Variants in ABCA12 observed in about 807,000 individuals in gnomAD.
ABCA12 encodes the protein glucosylceramide transporter ABCA12.
A neutral mutation model predicts 293.5 loss-of-function variants in ABCA12; 156 were observed. That is an observed-to-expected ratio of 0.53 (90% CI 0.47 to 0.61). The LOEUF (loss-of-function observed/expected upper bound fraction) is 0.61, where lower values mean the gene tolerates loss of function less well. ABCA12 is among the 20% of genes least tolerant of loss of function. The pLI is 0.00. For missense variants in ABCA12, 2,797 were observed against 3,090.2 expected, an observed-to-expected ratio of 0.91 and a Z score of 2.25; for synonymous variants, 1,063 against 1,108.0, an observed-to-expected ratio of 0.96 and a Z score of 0.81.
At chr2:214,958,128 A>G (rs538589528) in intron 41 of ABCA12, 149 bp downstream of exon 41, 1 of 1,062,942 alleles carries the variant, frequency 9.4e-7, no homozygotes, top group African/African-American at 1.6e-5. Flanking sequence ...CTGGATGAAG[A>G]TAAGCCTGAC....
intron 3 of ABCA12, among the ~76,000 whole-genome samples, chr2:215,062,755 C>T (rs1252860064): frequency 2.0e-5 from 3 of 151,902 alleles, no homozygotes; most frequent in Admixed American, 6.6e-5. Flanking sequence ...TGGTCTCTAC[C>T]GAAATGTCAC....
rs542413072 is a variant in ABCA12 at position 215,072,272 on chromosome 2, G to A, written c.164-8053C>T. ...CTGCTGCCAAGTACCACAGCCAGAC[G>A]GATTTTGAAAAGTACAAAAAGTGTC... On this transcript the variant is annotated intron_variant, in intron 2 of 52. Coordinates refer to ENST00000272895, the MANE Select transcript of ABCA12 (RefSeq NM_173076.3). Among the ~76,000 whole-genome samples the A allele has an allele frequency of 6.6e-5, 10 of 152,154 alleles. No individual in the cohort carries two copies. In the East Asian group the frequency reaches 1.5e-3, roughly 24 times the overall value.
intron 44 of ABCA12, among the ~76,000 whole-genome samples, chr2:214,952,221 TG>T (rs1215183984): frequency 7.4e-5 from 6 of 81,586 alleles, no homozygotes; most frequent in South Asian, 5.9e-4. Flanking sequence ...TTTTTTTTGT[TG>T]TTTTTTTTTT....
chr2:215,135,832 G>A (rs555661450), intron 1 of ABCA12, among the ~76,000 whole-genome samples: 10 of 151,630 alleles, frequency 6.6e-5, no homozygotes, highest in South Asian at 2.1e-4. Context: ...TAATGCCATC[G>A]CACATATATC....
chr2:215,035,526 G>A (rs760333180), intron 8 of ABCA12, among the ~76,000 whole-genome samples: 48 of 151,784 alleles, frequency 3.2e-4, no homozygotes, highest in Non-Finnish European at 5.4e-4. Context: ...AAAAGTAGCC[G>A]GGCGTGGTAG....
chr2:215,121,336 G>A (rs868857013), intron 1 of ABCA12, among the ~76,000 whole-genome samples: 28 of 152,228 alleles, frequency 1.8e-4, no homozygotes, highest in Admixed American at 1.0e-3. Flanking sequence ...TCATTTAAAG[G>A]ACTTTCTGTA....
chr2:214,959,248 G>A (rs1394402974), intron 39 of ABCA12, among the ~76,000 whole-genome samples, 170 bp from the exon 40 acceptor site: 1 of 151,428 alleles, frequency 6.6e-6, no homozygotes, highest in East Asian at 1.9e-4. Flanking sequence ...TCCCATTAAT[G>A]CCATACAATT....
At chr2:214,984,163 C>G (rs1319136907) in intron 28 of ABCA12, among the ~76,000 whole-genome samples, 1 of 120,832 alleles carries the variant, frequency 8.3e-6, no homozygotes, top group Non-Finnish European at 1.6e-5. Context: ...GTGGCACGAT[C>G]TCAGCTCACT....
chr2:215,007,103 G>A (rs1379773822), intron 19 of ABCA12, among the ~76,000 whole-genome samples: 3 of 151,988 alleles, frequency 2.0e-5, no homozygotes, highest in African/African-American at 7.2e-5. Context: ...TTGAACTCCC[G>A]ACCTCAGGTG....
chr2:215,111,934 G>A (rs1207856899), intron 1 of ABCA12, among the ~76,000 whole-genome samples: 1 of 151,956 alleles, frequency 6.6e-6, no homozygotes, highest in East Asian at 1.9e-4. Context: ...GATTTATTTT[G>A]GATCACCTCT....
chr2:214,958,557 T>C, intron 40 of ABCA12, 103 bp from the exon 41 acceptor site: 1 of 1,297,818 alleles, frequency 7.7e-7, no homozygotes, highest in South Asian at 1.3e-5. Flanking sequence ...AGTACAAGAG[T>C]TGGCTGTGAC....
In ABCA12 at chr2:214,986,721, T is replaced by C. The variant is rs552965889; in HGVS notation, c.3984A>G (p.Glu1328=). Residue 1328 remains glutamate (E), a synonymous_variant, in exon 28 of 53, where the codon GAA becomes GAG. Coordinates refer to ENST00000272895, the MANE Select transcript of ABCA12 (RefSeq NM_173076.3). ...MQNTNPSASP[E]YMFSSNIEPE... is the part of the protein sequence containing the mutation. ...GCTCGATGTTAGAGGAAAACATGTA[T>C]TCAGGACCTGGAGAGAAATCAAGGG... 2 of 1,614,100 alleles carry C rather than the reference T, an allele frequency of 1.2e-6. No homozygotes were observed. The highest frequency in any genetic ancestry group is 1.1e-5 in the South Asian group (1 of 91,084).
chr2:215,134,508 A>G (rs1703150990), intron 1 of ABCA12, among the ~76,000 whole-genome samples: 1 of 111,830 alleles, frequency 8.9e-6, no homozygotes, highest in Non-Finnish European at 1.8e-5. Context: ...ATATATGCGT[A>G]TGTATATGTG....
chr2:215,062,552 G>A (rs906300132), intron 3 of ABCA12, among the ~76,000 whole-genome samples: 3 of 151,910 alleles, frequency 2.0e-5, no homozygotes, highest in African/African-American at 7.3e-5. Flanking sequence ...GCATGCTCTG[G>A]TCTCTGAGGT....
chr2:215,018,733 G>C (rs1232456339), intron 13 of ABCA12, among the ~76,000 whole-genome samples: 1 of 152,122 alleles, frequency 6.6e-6, no homozygotes, highest in Non-Finnish European at 1.5e-5. Flanking sequence ...GATTTTAGCA[G>C]ATTGTAATAA....
intron 20 of ABCA12, among the ~76,000 whole-genome samples, chr2:215,002,166 T>C (rs1031381850): frequency 6.6e-6 from 1 of 152,216 alleles, no homozygotes; most frequent in Non-Finnish European, 1.5e-5. Context: ...GGAAAGTCTA[T>C]GTAGAATGCA....
At chr2:215,061,904 C>A (rs957682283) in intron 3 of ABCA12, among the ~76,000 whole-genome samples, 2 of 152,044 alleles carry the variant, frequency 1.3e-5, no homozygotes, top group South Asian at 2.1e-4. Context: ...ACAAATACTT[C>A]TTTAGAGGGA....
chr2:215,064,813 T>G (rs1338918676), intron 2 of ABCA12, among the ~76,000 whole-genome samples: 1 of 151,960 alleles, frequency 6.6e-6, no homozygotes, highest in African/African-American at 2.4e-5. Context: ...TATTTCATTT[T>G]ATTTTCTTCC....
chr2:215,037,729 A>T (rs186681780), intron 7 of ABCA12, among the ~76,000 whole-genome samples: 9 of 152,276 alleles, frequency 5.9e-5, no homozygotes, highest in Admixed American at 4.6e-4. Context: ...GCTTGAGTTC[A>T]TCCTGTATTT....
Sources: gnomAD v4.1 joint callset for allele counts (sites outside exome capture counted in the v4.1 genomes callset) on GRCh38, gnomAD v4.1.1 for gene constraint, MANE v1.5 for transcripts, NCBI Gene and HGNC (gene_info 2026-07-23, HGNC 2026-07-21) for gene names.